Variants in NXPH2 observed in about 807,000 individuals in gnomAD.
NXPH2 encodes the protein neurexophilin-2.
In NXPH2, 5 loss-of-function variants were observed where a neutral mutation model predicts 19.8. That is an observed-to-expected ratio of 0.25 (90% CI 0.13 to 0.53). The LOEUF (loss-of-function observed/expected upper bound fraction) is 0.53. NXPH2 is among the 20% of genes least tolerant of loss of function. The pLI is 0.96. For missense variants in NXPH2, 289 were observed against 322.8 expected (o/e 0.90, Z 0.80); for synonymous variants, 154 against 127.4 (o/e 1.21, Z -1.41).
intron 1 of NXPH2, among the ~76,000 whole-genome samples, chr2:138,765,350 A>G (rs1682074427): frequency 6.6e-6 from 1 of 152,192 alleles, no homozygotes; most frequent in Non-Finnish European, 1.5e-5. Flanking sequence ...TAAGGTCAAT[A>G]TTTATGCATA....
chr2:138,675,270 A>T (rs933285456), intron 1 of NXPH2, among the ~76,000 whole-genome samples: 1 of 151,758 alleles, frequency 6.6e-6, no homozygotes, highest in Admixed American at 6.6e-5. Flanking sequence ...GTTTCCCTAA[A>T]TTTTTTTCTG....
intron 1 of NXPH2, among the ~76,000 whole-genome samples, chr2:138,749,032 G>A (rs1439282767): frequency 6.6e-6 from 1 of 152,060 alleles, no homozygotes; most frequent in South Asian, 2.1e-4. Context: ...TATTTCATTA[G>A]TGATATTGTT....
At position 138,742,530 on chromosome 2, in the gene NXPH2, A is replaced by G. The variant is rs148236561; in HGVS notation, c.51+37661T>C. Among the ~76,000 whole-genome samples, 537 of 152,228 alleles carry G rather than the reference A, an allele frequency of 3.5e-3. 12 individuals carry two copies. The highest frequency in any genetic ancestry group is 0.031 in the Admixed American group (470 of 15,276). On this transcript the variant is annotated intron_variant, in intron 1 of 1. Coordinates refer to ENST00000272641, the MANE Select transcript of NXPH2 (RefSeq NM_007226.3). ...TTTCTGTGGAATGTTCATTTCAAAA[A>G]CCCTGGTATGACTGTGGAGTCAGAG...
At chr2:138,695,030 C>T (rs1204420354) in intron 1 of NXPH2, among the ~76,000 whole-genome samples, 3 of 152,094 alleles carry the variant, frequency 2.0e-5, no homozygotes, top group Non-Finnish European at 4.4e-5. Context: ...TATATCTAAA[C>T]ATGTCTAAGC....
chr2:138,703,314 A>G (rs1482543643), intron 1 of NXPH2, among the ~76,000 whole-genome samples: 1 of 152,226 alleles, frequency 6.6e-6, no homozygotes, highest in Non-Finnish European at 1.5e-5. Context: ...CTAACTAATG[A>G]ACGTCTCCCA....
intron 1 of NXPH2, among the ~76,000 whole-genome samples, chr2:138,775,635 T>A (rs1041724477): frequency 2.6e-5 from 4 of 152,080 alleles, no homozygotes; most frequent in African/African-American, 9.7e-5. Context: ...TTTAAACATA[T>A]CCCAACTTAA....
intron 1 of NXPH2, among the ~76,000 whole-genome samples, chr2:138,673,463 G>A (rs1360769045): frequency 6.6e-6 from 1 of 152,128 alleles, no homozygotes; most frequent in African/African-American, 2.4e-5. Flanking sequence ...GATTAAGTCA[G>A]AGTATTTAGG....
chr2:138,690,560 T>G (rs939819337), intron 1 of NXPH2, among the ~76,000 whole-genome samples: 1 of 151,418 alleles, frequency 6.6e-6, no homozygotes, highest in South Asian at 2.1e-4. Context: ...GTCTTTGACT[T>G]TCTCTCAAAA....
chr2:138,736,930 C>T (rs1681556837), intron 1 of NXPH2, among the ~76,000 whole-genome samples: 2 of 152,214 alleles, frequency 1.3e-5, no homozygotes, highest in African/African-American at 4.8e-5. Context: ...ACAAGAGTCA[C>T]CTTGGCTCCA....
intron 1 of NXPH2, among the ~76,000 whole-genome samples, chr2:138,697,348 A>G (rs1306881111): frequency 6.6e-6 from 1 of 152,160 alleles, no homozygotes; most frequent in African/African-American, 2.4e-5. Flanking sequence ...ACCTTTTAGA[A>G]GCTTATTAAA....
At chr2:138,726,177 G>A (rs564327769) in intron 1 of NXPH2, among the ~76,000 whole-genome samples, 1 of 152,052 alleles carries the variant, frequency 6.6e-6, no homozygotes, top group East Asian at 1.9e-4. Context: ...TGAGTAGCTG[G>A]GATTACATGC....
intron 1 of NXPH2, among the ~76,000 whole-genome samples, chr2:138,686,482 C>CA (rs1007745090): frequency 4.0e-5 from 6 of 151,040 alleles, no homozygotes; most frequent in South Asian, 2.1e-4. Context: ...TTTTGTCTTT[C>CA]AAAAAAAGCT....
At chr2:138,689,649 C>T (rs1680716818) in intron 1 of NXPH2, among the ~76,000 whole-genome samples, 1 of 152,262 alleles carries the variant, frequency 6.6e-6, no homozygotes, top group East Asian at 1.9e-4. Flanking sequence ...GAAAATGCTT[C>T]ATTTCTCACT....
intron 1 of NXPH2, among the ~76,000 whole-genome samples, chr2:138,778,040 T>C (rs1390195955): frequency 6.6e-6 from 1 of 152,168 alleles, no homozygotes; most frequent in African/African-American, 2.4e-5. Flanking sequence ...TGATCTGTCC[T>C]TTTTGACACC....
At chr2:138,714,853 A>G (rs769704736) in intron 1 of NXPH2, among the ~76,000 whole-genome samples, 1 of 152,254 alleles carries the variant, frequency 6.6e-6, no homozygotes, top group Non-Finnish European at 1.5e-5. Flanking sequence ...AATATAACAT[A>G]TAATGGCATA....
At chr2:138,742,349 T>A (rs1041063659) in intron 1 of NXPH2, among the ~76,000 whole-genome samples, 5 of 151,418 alleles carry the variant, frequency 3.3e-5, no homozygotes, top group Admixed American at 1.3e-4. Flanking sequence ...GTGAGGCCTT[T>A]TTAACACAGC....
chr2:138,682,203 CA>C (rs1232336942), intron 1 of NXPH2, among the ~76,000 whole-genome samples: 2 of 152,100 alleles, frequency 1.3e-5, no homozygotes, highest in Admixed American at 6.5e-5. Flanking sequence ...ATATAACAAA[CA>C]AAATATATAA....
At chr2:138,719,318 C>T (rs944962794) in intron 1 of NXPH2, among the ~76,000 whole-genome samples, 1 of 151,968 alleles carries the variant, frequency 6.6e-6, no homozygotes, top group African/African-American at 2.4e-5. Flanking sequence ...TGTCTGTGTG[C>T]ATGTATATAA....
intron 1 of NXPH2, among the ~76,000 whole-genome samples, chr2:138,695,275 T>C (rs1262255997): frequency 6.6e-6 from 1 of 152,196 alleles, no homozygotes; most frequent in Non-Finnish European, 1.5e-5. Context: ...AATTTTAATA[T>C]TAAGTGTTAA....
Sources: allele counts gnomAD v4.1 joint callset (sites outside exome capture counted in the v4.1 genomes callset), GRCh38; gene constraint gnomAD v4.1.1; transcripts MANE v1.5; gene names NCBI Gene and HGNC (gene_info 2026-07-23, HGNC 2026-07-21).